The following SBF2 variants were observed in gnomAD, a reference collection of about 807,000 sequenced individuals.
SBF2 encodes myotubularin-related protein 13.
A neutral mutation model predicts 225.2 loss-of-function variants in SBF2; 112 were observed. The ratio of observed to expected loss-of-function variants is 0.50; its 90% confidence interval spans 0.43 to 0.58. The LOEUF (loss-of-function observed/expected upper bound fraction) is 0.58, where lower values mean the gene tolerates loss of function less well. Among genes scored for constraint, SBF2 ranks in the 20% least tolerant of loss-of-function variants. The probability of loss-of-function intolerance (pLI) is 0.00; values close to 1 mark genes in which losing one functional copy is unlikely to be tolerated. For missense variants in SBF2, 1,996 were observed against 2,206.2 expected (o/e 0.90, Z 1.91); for synonymous variants, 763 against 773.3 (o/e 0.99, Z 0.22).
intron 26 of SBF2, among the ~76,000 whole-genome samples, chr11:9,835,506 C>T (rs374439827): frequency 2.0e-5 from 3 of 151,606 alleles, no homozygotes; most frequent in African/African-American, 7.3e-5. Flanking sequence ...TGGTGGCATG[C>T]GCCTAGTCCC....
chr11:9,858,463 G>A lies in SBF2; in HGVS notation c.1930-67C>T, dbSNP rs902523723. 85 of 1,458,934 alleles carry A rather than the reference G, an allele frequency of 5.8e-5. 1 individual carries two copies. The South Asian group carries it at 9.6e-4, about 16-fold the overall frequency. 90.4% of individuals were successfully genotyped at this position (1,458,934 alleles called of 1,614,324 possible). ...ATTATAACAGTTCATAAGGTCACAG[G>A]GGCCACAGTTAATCATAGATGAGAT... On this transcript the variant is annotated intron_variant, in intron 17 of 39. Transcript: ENST00000256190.
At chr11:9,871,508 T>TATTATTATTA (rs59123968) in intron 17 of SBF2, among the ~76,000 whole-genome samples, 3 of 148,380 alleles carry the variant, frequency 2.0e-5, no homozygotes, top group Non-Finnish European at 3.0e-5. Flanking sequence ...TTATTATTAT[T>TATTATTATTA]TTGAGATGAG....
intron 15 of SBF2, among the ~76,000 whole-genome samples, chr11:9,962,455 A>G (rs1284278574): frequency 1.3e-5 from 2 of 152,228 alleles, no homozygotes. Flanking sequence ...TTCTATAACT[A>G]GTAAATTTTC....
At chr11:10,106,632 T>TAAA (rs34207805) in intron 2 of SBF2, among the ~76,000 whole-genome samples, 12,945 of 126,590 alleles carry the variant, frequency 0.1, 1,167 homozygotes, top group East Asian at 0.47. Context: ...CCGACTCAAT[T>TAAA]AAAAAAAAAA....
chr11:10,128,097 A>G (rs1490590627), intron 2 of SBF2, among the ~76,000 whole-genome samples: 1 of 152,220 alleles, frequency 6.6e-6, no homozygotes, highest in Non-Finnish European at 1.5e-5. Context: ...AATGATGTTG[A>G]GCAAATTTCT....
At chr11:9,808,209 G>A (rs1444743543) in intron 31 of SBF2, 24 bp from the exon 32 acceptor site, 1 of 1,606,020 alleles carries the variant, frequency 6.2e-7, no homozygotes, top group Admixed American at 1.7e-5. Context: ...AGGATGGATT[G>A]TCATTAATTT....
At chr11:10,257,795 G>A (rs759600515) in intron 1 of SBF2, among the ~76,000 whole-genome samples, 2 of 151,070 alleles carry the variant, frequency 1.3e-5, no homozygotes, top group East Asian at 1.9e-4. Flanking sequence ...CCAGGAATAC[G>A]AGACCAACCT....
intron 2 of SBF2, among the ~76,000 whole-genome samples, chr11:10,053,069 T>C (rs185803502): frequency 6.6e-6 from 1 of 152,304 alleles, no homozygotes; most frequent in African/African-American, 2.4e-5. Context: ...TATATAGTTA[T>C]GAATCCTGTT....
At position 9,968,462 on chromosome 11, in the gene SBF2, G is replaced by A. The variant is rs778474621; in HGVS notation, c.1479C>T (p.Phe493=). The A allele has an allele frequency of 6.2e-7, 1 of 1,614,010 alleles. No homozygotes were observed. Among genetic ancestry groups the A allele is most frequent in the East Asian group, 2.2e-5 (1 of 44,872 alleles). Residue 493 remains phenylalanine (F), a synonymous_variant, in exon 14 of 40, where the codon TTC becomes TTT. Coordinates refer to ENST00000256190, the MANE Select transcript of SBF2 (RefSeq NM_030962.4). The part of the protein sequence containing the change: ...GSHLRVHILP[F]PEINEARVQE... ...GAACCCGGGCTTCATTAATCTCTGG[G>A]AAAGGAAGAATATGAACTCGCAAAT...
chr11:10,034,881 C>G (rs114637685), intron 3 of SBF2, among the ~76,000 whole-genome samples: 18 of 152,214 alleles, frequency 1.2e-4, no homozygotes, highest in African/African-American at 4.3e-4. Context: ...CATTTCTTGC[C>G]AAATAATCTT....
intron 6 of SBF2, among the ~76,000 whole-genome samples, chr11:10,026,305 G>C (rs1196143453): frequency 6.6e-6 from 1 of 152,134 alleles, no homozygotes; most frequent in Non-Finnish European, 1.5e-5. Flanking sequence ...CCTCTGCTCT[G>C]ATTGACCCTT....
chr11:9,830,094 G>C (rs1855297026), intron 27 of SBF2, among the ~76,000 whole-genome samples: 4 of 152,160 alleles, frequency 2.6e-5, no homozygotes, highest in Non-Finnish European at 5.9e-5. Flanking sequence ...TCTAAATGAG[G>C]AGCAAAAAGT....
chr11:9,959,550 G>C (rs1357892519), intron 16 of SBF2: 2 of 779,172 alleles, frequency 2.6e-6, no homozygotes, highest in East Asian at 4.9e-5. Context: ...TGTGGAAGGG[G>C]TCCCAAAACA....
Position 10,137,239 on chromosome 11 carries a change from C to T in SBF2, c.141+56663G>A, listed in dbSNP as rs375487056. Among the ~76,000 whole-genome samples the T allele has an allele frequency of 5.9e-5, 9 of 152,210 alleles. No homozygotes were observed. The East Asian group carries it at 7.7e-4, about 13-fold the overall frequency. ...TACAAAAATACAATTAGTTTTTGTA[C>T]GATCTCATAACCTGTGAATCTATAT... On this transcript the variant is annotated intron_variant, in intron 2 of 39. Transcript: ENST00000256190.
intron 38 of SBF2, 120 bp downstream of exon 38, chr11:9,784,229 TGA>T (rs1852218488): frequency 2.6e-6 from 2 of 770,060 alleles, no homozygotes. Context: ...AGACTACATA[TGA>T]GAGGCACTAA....
At position 9,840,216 on chromosome 11, in the gene SBF2, C is replaced by T. The variant is rs1229122502; in HGVS notation, c.3257-520G>A. 7.4e-5 allele frequency among the ~76,000 whole-genome samples: 11 copies of T among 147,898 alleles called. No individual in the cohort carries two copies. In the East Asian group the frequency reaches 1.8e-3, roughly 24 times the overall value. On this transcript the variant is annotated intron_variant, in intron 25 of 39. Transcript: ENST00000256190. ...GCCACTGCACTCCAGCCTGGGCAACCGAGCGAGACTTTGTCTCAAACCCCG... is the reference window on the plus strand; with the variant it reads ...GCCACTGCACTCCAGCCTGGGCAACTGAGCGAGACTTTGTCTCAAACCCCG...
intron 2 of SBF2, among the ~76,000 whole-genome samples, chr11:10,136,874 C>G (rs1239587682): frequency 1.3e-5 from 2 of 152,114 alleles, no homozygotes; most frequent in East Asian, 3.8e-4. Flanking sequence ...CTTTTTTCTT[C>G]TTTTTCTAAA....
At chr11:10,035,219 C>T (rs1292520678) in intron 3 of SBF2, among the ~76,000 whole-genome samples, 1 of 152,086 alleles carries the variant, frequency 6.6e-6, no homozygotes, top group African/African-American at 2.4e-5. Flanking sequence ...CGTGATCTGC[C>T]CACCTCGGCC....
chr11:10,198,589 G>A (rs1241268642), intron 1 of SBF2, among the ~76,000 whole-genome samples: 1 of 152,208 alleles, frequency 6.6e-6, no homozygotes, highest in Non-Finnish European at 1.5e-5. Context: ...TAAAAAGACA[G>A]TAAGCCTGTT....
Sources: allele counts gnomAD v4.1 joint callset (sites outside exome capture counted in the v4.1 genomes callset), GRCh38; gene constraint gnomAD v4.1.1; transcripts MANE v1.5; gene names NCBI Gene and HGNC (gene_info 2026-07-23, HGNC 2026-07-21).